Variants in LRRC7 observed in about 807,000 individuals in gnomAD.
The protein encoded by LRRC7 is leucine rich repeat containing 7, also known as leucine-rich repeat-containing protein 7.
LRRC7 carries 23 observed loss-of-function variants against 175.7 expected under a neutral mutation model. That is an observed-to-expected ratio of 0.13 (90% CI 0.09 to 0.19). LRRC7 has a LOEUF of 0.19. Among genes scored for constraint, LRRC7 ranks in the 10% least tolerant of loss-of-function variants. LRRC7 has a pLI of 1.00. For synonymous variants in LRRC7, 685 were observed against 680.9 expected, an observed-to-expected ratio of 1.01 and a Z score of -0.09; for missense variants, 1,354 against 1,904.7, an observed-to-expected ratio of 0.71 and a Z score of 5.38.
intron 9 of LRRC7, among the ~76,000 whole-genome samples, chr1:69,981,064 C>A (rs1033228784): frequency 6.6e-6 from 1 of 152,082 alleles, no homozygotes; most frequent in Non-Finnish European, 1.5e-5. Flanking sequence ...CCTACTTTTC[C>A]CATCTAACAA....
intron 2 of LRRC7, among the ~76,000 whole-genome samples, chr1:69,726,165 G>A (rs1666955358): frequency 6.6e-6 from 1 of 152,116 alleles, no homozygotes; most frequent in Non-Finnish European, 1.5e-5. Flanking sequence ...GAGAAACTGA[G>A]ATGCAGAGAA....
intron 10 of LRRC7, among the ~76,000 whole-genome samples, chr1:69,988,064 A>G (rs1654096656): frequency 6.6e-6 from 1 of 152,238 alleles, no homozygotes; most frequent in Non-Finnish European, 1.5e-5. Context: ...ATGATTATAG[A>G]GAACATCCAC....
chr1:70,013,113 C>A, intron 13 of LRRC7, 24 bp downstream of exon 13: 2 of 1,368,992 alleles, frequency 1.5e-6, no homozygotes, highest in Admixed American at 1.9e-5. Context: ...ATTTCACAAT[C>A]ACATATTAGT....
intron 21 of LRRC7, among the ~76,000 whole-genome samples, chr1:70,040,086 A>G (rs1659731992): frequency 6.6e-6 from 1 of 152,234 alleles, no homozygotes; most frequent in South Asian, 2.1e-4. Context: ...AATGCTTTCT[A>G]GCCATTAAGG....
chr1:69,717,783 AAAG>A (rs1557640453), intron 2 of LRRC7, among the ~76,000 whole-genome samples: 1 of 25,212 alleles, frequency 4.0e-5, no homozygotes, highest in Non-Finnish European at 7.4e-5. Context: ...AGAAAGAAAG[AAAG>A]AAAGAAAGAA....
chr1:69,574,276 T>C (rs1645857184), intron 1 of LRRC7, among the ~76,000 whole-genome samples: 1 of 152,036 alleles, frequency 6.6e-6, no homozygotes, highest in African/African-American at 2.4e-5. Flanking sequence ...GAAATTTTCA[T>C]AGGTAAAAAG....
chr1:70,077,151 C>A (rs1447564326), intron 24 of LRRC7, among the ~76,000 whole-genome samples: 1 of 152,118 alleles, frequency 6.6e-6, no homozygotes, highest in East Asian at 1.9e-4. Context: ...CTAAACATAT[C>A]AAAATTAACT....
intron 2 of LRRC7, among the ~76,000 whole-genome samples, chr1:69,758,181 A>G (rs1246068912): frequency 6.6e-6 from 1 of 152,056 alleles, no homozygotes; most frequent in African/African-American, 2.4e-5. Flanking sequence ...AAAGGCATCA[A>G]TCCTACAATC....
intron 7 of LRRC7, among the ~76,000 whole-genome samples, chr1:69,860,842 A>G (rs998956257): frequency 2.6e-5 from 4 of 152,138 alleles, no homozygotes; most frequent in African/African-American, 9.6e-5. Context: ...AAGATTTAAT[A>G]TGATAAAAGT....
At chr1:69,852,048 G>GT (rs938170506) in intron 7 of LRRC7, among the ~76,000 whole-genome samples, 1 of 152,006 alleles carries the variant, frequency 6.6e-6, no homozygotes, top group South Asian at 2.1e-4. Flanking sequence ...TTGATATACC[G>GT]TAAGTCTTTA....
chr1:69,749,768 A>G (rs955019030), intron 2 of LRRC7, among the ~76,000 whole-genome samples: 2 of 152,110 alleles, frequency 1.3e-5, no homozygotes, highest in Non-Finnish European at 2.9e-5. Flanking sequence ...AAGTGTCTTC[A>G]GGGAAGTAGA....
At chr1:69,767,106 A>T (rs1671706153) in intron 3 of LRRC7, among the ~76,000 whole-genome samples, 1 of 152,178 alleles carries the variant, frequency 6.6e-6, no homozygotes, top group Admixed American at 6.6e-5. Flanking sequence ...CAGAAATTTC[A>T]TATAAACAGA....
chr1:69,664,808 A>G (rs1056452981), intron 1 of LRRC7, among the ~76,000 whole-genome samples: 4 of 151,926 alleles, frequency 2.6e-5, no homozygotes, highest in Non-Finnish European at 4.4e-5. Context: ...TTTTAACTTG[A>G]TGTGATCCTA....
intron 3 of LRRC7, among the ~76,000 whole-genome samples, chr1:69,784,540 G>A (rs1674176155): frequency 6.6e-6 from 1 of 152,142 alleles, no homozygotes; most frequent in Non-Finnish European, 1.5e-5. Context: ...CAGTTCCTGT[G>A]TCCTCCTTGT....
At chr1:69,679,332 A>C (rs1468754707) in intron 2 of LRRC7, among the ~76,000 whole-genome samples, 1 of 152,102 alleles carries the variant, frequency 6.6e-6, no homozygotes, top group Non-Finnish European at 1.5e-5. Flanking sequence ...ACTGAAGTAT[A>C]CTGTTAAGTA....
At chr1:69,645,909 G>A (rs1400184230) in intron 1 of LRRC7, among the ~76,000 whole-genome samples, 1 of 152,024 alleles carries the variant, frequency 6.6e-6, no homozygotes, top group Non-Finnish European at 1.5e-5. Flanking sequence ...AATAGAACTG[G>A]AATTTTTTCT....
chr1:69,619,921 A>G (rs766560736), intron 1 of LRRC7, among the ~76,000 whole-genome samples: 3 of 151,642 alleles, frequency 2.0e-5, no homozygotes, highest in Non-Finnish European at 4.4e-5. Context: ...AATGAAAGAT[A>G]GAGTCATGGA....
At chr1:69,955,505 G>T (rs1232100037) in intron 8 of LRRC7, among the ~76,000 whole-genome samples, 1 of 151,958 alleles carries the variant, frequency 6.6e-6, no homozygotes, top group Non-Finnish European at 1.5e-5. Flanking sequence ...ACAAAAATGG[G>T]AATGGAAAGG....
intron 1 of LRRC7, among the ~76,000 whole-genome samples, chr1:69,622,070 G>A (rs1042951518): frequency 3.3e-5 from 5 of 151,956 alleles, no homozygotes; most frequent in East Asian, 1.9e-4. Context: ...TAACTTCCTC[G>A]AACAAAGAAA....
Sources: gnomAD v4.1 joint callset for allele counts (sites outside exome capture counted in the v4.1 genomes callset) on GRCh38, gnomAD v4.1.1 for gene constraint, MANE v1.5 for transcripts, NCBI Gene and HGNC (gene_info 2026-07-23, HGNC 2026-07-21) for gene names.